The following GORASP1 variants were observed in gnomAD, a reference collection of about 807,000 sequenced individuals.
The protein encoded by GORASP1 is Golgi reassembly-stacking protein 1.
Under a neutral mutation model 37.7 loss-of-function variants are expected in GORASP1, and 31 were observed. The ratio of observed to expected loss-of-function variants is 0.82; its 90% confidence interval spans 0.62 to 1.11. GORASP1 has a LOEUF of 1.11. Among genes scored for constraint, GORASP1 ranks in the 50% least tolerant of loss-of-function variants. The pLI, the probability that GORASP1 is intolerant of heterozygous loss-of-function variation, is 0.00. For synonymous variants in GORASP1, 204 were observed against 224.8 expected, an observed-to-expected ratio of 0.91 and a Z score of 0.83; for missense variants, 476 against 560.7, an observed-to-expected ratio of 0.85 and a Z score of 1.53.
rs996491699 is a variant in GORASP1 at position 39,102,570 on chromosome 3, C to T, written c.348+108G>A. The T allele has an allele frequency of 9.1e-7, 1 of 1,098,644 alleles. No individual in the cohort carries two copies. Among genetic ancestry groups the T allele is most frequent in the Non-Finnish European group, 1.3e-6 (1 of 745,378 alleles). The allele number at this position is 1,098,644 out of a possible 1,614,324, so 68.1% of individuals were successfully genotyped here. ...GTCTTCCCTGGCCACTGCTCCAAGG[C>T]TCCCACTCCACTCCTGCATGTACCC... On this transcript the variant is annotated intron_variant, in intron 3 of 8. Transcript: ENST00000319283. The surrounding 1 kb of genome is among the most constrained non-coding windows in gnomAD (Gnocchi z 5.0).
Position 39,100,511 on chromosome 3 carries a change from A to G in GORASP1, c.567-8T>C, listed in dbSNP as rs375154634. The G allele has an allele frequency of 1.0e-4, 163 of 1,552,784 alleles. No individual in the cohort carries two copies. Among genetic ancestry groups the G allele is most frequent in the Non-Finnish European group, 1.4e-4 (161 of 1,150,858 alleles). ...CCAATGCCACATCCCAGACTGCCGAAGGCCAGAAACATTCAATCCAGGGGC... is the reference window on the plus strand; with the variant it reads ...CCAATGCCACATCCCAGACTGCCGAGGGCCAGAAACATTCAATCCAGGGGC... On this transcript the variant is annotated splice_region_variant and splice_polypyrimidine_tract_variant and intron_variant, in intron 5 of 8. Transcript: ENST00000319283. The surrounding 1 kb of genome is among the most constrained non-coding windows in gnomAD (Gnocchi z 4.6).
chr3:39,100,181 C>A lies in GORASP1; in HGVS notation c.765+124G>T, dbSNP rs1338561438. 1 of 886,186 alleles carries A rather than the reference C, an allele frequency of 1.1e-6. No individual in the cohort carries two copies. 54.9% of individuals were successfully genotyped at this position (886,186 alleles called of 1,614,324 possible). On this transcript the variant is annotated intron_variant, in intron 6 of 8. Coordinates refer to ENST00000319283, the MANE Select transcript of GORASP1 (RefSeq NM_031899.4). This position sits in a 1 kb window ranked among gnomAD's most constrained non-coding sequence, Gnocchi z 4.6. The stretch of plus-strand genomic sequence containing the variant: ...TCCAGGCATGGCCTGCCTGCTCCCA[C>A]TGGGTCCCAGAAGTACATGGGCCTC...
At position 39,102,725 on chromosome 3, in the gene GORASP1, G is replaced by A. The variant is rs150534574; in HGVS notation, c.301C>T (p.Arg101Cys). Residue 101 changes from arginine (R) to cysteine (C), a missense_variant, in exon 3 of 9, where the codon CGC becomes TGC. Transcript: ENST00000319283. This position sits in a 1 kb window ranked among gnomAD's most constrained non-coding sequence, Gnocchi z 5.0. ...GGQGLLGASV[R>C]FCSFRRASEQ... is the part of the protein sequence containing the mutation. ...CTGGCCCTGCGGAAGCTGCAGAAGC[G>A]CACACTGGCACCCAGTAGGCCCTGG... 196 of 1,614,008 alleles carry A rather than the reference G, an allele frequency of 1.2e-4. No homozygotes were observed. The highest frequency in any genetic ancestry group is 1.5e-4 in the Non-Finnish European group (177 of 1,180,010).
rs536942915 is a variant in GORASP1, at chr3:39,102,282, T to C, written c.348+396A>G. Reference sequence around the variant, plus strand: ...GTATTATAATCTTATGGGATCACTATTGTATATGCAGTCCGTGGTTGACTG... The same window carrying C: ...GTATTATAATCTTATGGGATCACTACTGTATATGCAGTCCGTGGTTGACTG... On this transcript the variant is annotated intron_variant, in intron 3 of 8. Coordinates refer to ENST00000319283, the MANE Select transcript of GORASP1 (RefSeq NM_031899.4). This position sits in a 1 kb window ranked among gnomAD's most constrained non-coding sequence, Gnocchi z 5.0. Among the ~76,000 whole-genome samples the C allele has an allele frequency of 6.6e-6, 1 of 152,164 alleles. No homozygotes were observed. Among genetic ancestry groups the C allele is most frequent in the Non-Finnish European group, 1.5e-5 (1 of 68,036 alleles).
chr3:39,106,458 G>A (rs2036103013), intron 1 of GORASP1, among the ~76,000 whole-genome samples: 1 of 152,254 alleles, frequency 6.6e-6, no homozygotes, highest in East Asian at 1.9e-4. Flanking sequence ...CCATAAGAAA[G>A]CCCATTCCCA....
At chr3:39,107,454 C>G in intron 1 of GORASP1, 25 bp downstream of exon 1, 1 of 1,321,950 alleles carries the variant, frequency 7.6e-7, no homozygotes, top group South Asian at 2.1e-5. Flanking sequence ...TCGCCAAGGT[C>G]ACCGGCGCCG....
In GORASP1 at chr3:39,101,020, T is replaced by C. The variant is rs964661814; in HGVS notation, c.431A>G (p.Gln144Arg). ...DYVVGSDQIL[Q>R]ESEDFFTLIE... ...GGCAAATTGCGGGTTCCTCACCTCC[T>C]GGAGAATCTGGTCCGAACCAACCAC... The change falls in exon 4 of 9, where the codon CAG (glutamine) becomes CGG (arginine). Residue 144 changes from glutamine to arginine, a missense_variant. Coordinates refer to ENST00000319283, the MANE Select transcript of GORASP1 (RefSeq NM_031899.4). 1.9e-6 allele frequency: 3 copies of C among 1,614,178 alleles called. No individual in the cohort carries two copies. Among genetic ancestry groups the C allele is most frequent in the African/African-American group, 2.7e-5 (2 of 75,054 alleles).
chr3:39,099,637 T>G (rs930494002), intron 6 of GORASP1, 134 bp from the exon 7 acceptor site: 1 of 961,286 alleles, frequency 1.0e-6, no homozygotes, highest in African/African-American at 1.7e-5. Context: ...GAAATGGCCT[T>G]AATAAACCAC....
In GORASP1 at chr3:39,102,692, C is replaced by G; in HGVS notation, c.334G>C (p.Val112Leu). The change falls in exon 3 of 9, where the codon GTG becomes CTG. Residue 112 changes from valine (V) to leucine (L), a missense_variant. Physicochemically the swap from Val to Leu is conservative, Grantham distance 32 (BLOSUM62 1). Transcript: ENST00000319283. The surrounding 1 kb of genome is among the most constrained non-coding windows in gnomAD (Gnocchi z 5.0). ...CCCACACTCACCAGCACATGCCACA[C>G]CTGCTCACTGGCCCTGCGGAAGCTG... The part of the protein sequence containing the change: ...FCSFRRASEQ[V>L]WHVLDVEPSS... 6.2e-7 allele frequency: 1 copy of G among 1,614,168 alleles called. No homozygotes were observed. The highest frequency in any genetic ancestry group is 8.5e-7 in the Non-Finnish European group (1 of 1,180,034).
chr3:39,103,617 C>T lies in GORASP1; in HGVS notation c.64-64G>A, dbSNP rs2035858873. 7.7e-7 allele frequency: 1 copy of T among 1,293,370 alleles called. No individual in the cohort carries two copies. The highest frequency in any genetic ancestry group is 2.0e-5 in the Admixed American group (1 of 50,546). The allele number at this position is 1,293,370 out of a possible 1,614,324, so 80.1% of individuals were successfully genotyped here. A position where few individuals can be genotyped will look rare whatever the true frequency, so the allele number is the denominator to read the frequency against. ...TGGGACTCTCCAAGTAGCCCTCTCC[C>T]CCATTTCAGGAACCATCAGCACTCC... On this transcript the variant is annotated intron_variant, in intron 1 of 8. Coordinates refer to ENST00000319283, the MANE Select transcript of GORASP1 (RefSeq NM_031899.4). The surrounding 1 kb of genome is among the most constrained non-coding windows in gnomAD (Gnocchi z 5.2).
chr3:39,107,259 G>A, intron 1 of GORASP1: 1 of 511,236 alleles, frequency 2.0e-6, no homozygotes, highest in Non-Finnish European at 3.6e-6. Context: ...TGGGGCGGGC[G>A]CTGGGCCCGA....
intron 1 of GORASP1, 184 bp downstream of exon 1, chr3:39,107,295 C>G (rs557319006): frequency 2.2e-6 from 1 of 459,336 alleles, no homozygotes; most frequent in South Asian, 2.8e-5. Flanking sequence ...AGCCAGGGTC[C>G]GGGAGTCCCG....
At chr3:39,099,264 G>A in intron 7 of GORASP1, 89 bp downstream of exon 7, 1 of 1,427,444 alleles carries the variant, frequency 7.0e-7, no homozygotes. Context: ...GATATGAGGG[G>A]TCAGCAAGGC....
intron 3 of GORASP1, 45 bp from the exon 4 acceptor site, chr3:39,101,147 G>A: frequency 1.3e-6 from 2 of 1,581,026 alleles, no homozygotes; most frequent in Non-Finnish European, 1.7e-6. Flanking sequence ...CTAGAGGTGG[G>A]GTTGGGGGAT....
Position 39,103,706 on chromosome 3 carries a change from A to G in GORASP1, c.64-153T>C, listed in dbSNP as rs957155275. The G allele has an allele frequency of 3.8e-6, 2 of 521,630 alleles. No homozygotes were observed. The highest frequency in any genetic ancestry group is 3.3e-6 in the Non-Finnish European group (1 of 300,124). The allele number at this position is 521,630 out of a possible 1,614,324, so 32.3% of individuals were successfully genotyped here. On this transcript the variant is annotated intron_variant, in intron 1 of 8. Transcript: ENST00000319283. This position sits in a 1 kb window ranked among gnomAD's most constrained non-coding sequence, Gnocchi z 5.2. ...TCCGGACATTCTCAGGGTTCACTCC[A>G]TGGCCTCTTGCTACCTTCCTGGGCA...
At chr3:39,099,280 G>A (rs762583431) in intron 7 of GORASP1, 73 bp downstream of exon 7, 4 of 1,560,886 alleles carry the variant, frequency 2.6e-6, no homozygotes, top group Non-Finnish European at 2.7e-6. Flanking sequence ...AAGGCCTGGG[G>A]AAAGTTTTGA....
Position 39,098,794 on chromosome 3 carries a change from G to T in GORASP1, c.1016C>A (p.Ser339Ter), listed in dbSNP as rs1187057669. 22 of 1,614,058 alleles carry T rather than the reference G, an allele frequency of 1.4e-5. No individual in the cohort carries two copies. The highest frequency in any genetic ancestry group is 1.8e-5 in the Non-Finnish European group (21 of 1,180,004). ...SSTELTTTAV[S>*]TSGPEDICSS... ...GCAGATGTCCTCTGGCCCTGAGGTT[G>T]AGACAGCTGTGGTGGTCAGTTCTGT... is the stretch of plus-strand genomic sequence containing the variant. The change falls in exon 8 of 9, where the codon TCA (serine) becomes TAA (stop). Residue 339 changes from serine (S) to a stop codon, truncating the protein, a stop_gained. Transcript: ENST00000319283. LOFTEE classifies it high-confidence loss of function. The surrounding 1 kb of genome is among the most constrained non-coding windows in gnomAD (Gnocchi z 4.7).
At chr3:39,107,024 C>T (rs1366793736) in intron 1 of GORASP1, 1 of 456,850 alleles carries the variant, frequency 2.2e-6, no homozygotes, top group African/African-American at 2.0e-5. Flanking sequence ...CGGGCTCCCC[C>T]GCAGCTGCGT....
chr3:39,107,469 G>T lies in GORASP1; in HGVS notation c.63+10C>A. ...TCGCCAAGGTCACCGGCGCCGCGGCGGCAACTCACCCCGTGGAGGTGGAAG... is the reference window on the plus strand; with the variant it reads ...TCGCCAAGGTCACCGGCGCCGCGGCTGCAACTCACCCCGTGGAGGTGGAAG... On this transcript the variant is annotated intron_variant, in intron 1 of 8. Transcript: ENST00000319283. 2.2e-6 allele frequency: 3 copies of T among 1,351,614 alleles called. No homozygotes were observed. Among genetic ancestry groups the T allele is most frequent in the Non-Finnish European group, 2.8e-6 (3 of 1,057,272 alleles). The allele number at this position is 1,351,614 out of a possible 1,614,324, so 83.7% of individuals were successfully genotyped here. A position where few individuals can be genotyped will look rare whatever the true frequency, so the allele number is the denominator to read the frequency against.
Sources: gnomAD v4.1 joint callset for allele counts (sites outside exome capture counted in the v4.1 genomes callset) on GRCh38, gnomAD v4.1.1 for gene constraint, Gnocchi (gnomAD v3.1) non-coding constraint, MANE v1.5 for transcripts, NCBI Gene and HGNC (gene_info 2026-07-23, HGNC 2026-07-21) for gene names.